RAPGEF6: variants seen among roughly 807,000 people sequenced by gnomAD.
The protein encoded by RAPGEF6 is PDZ domain containing guanine nucleotide exchange factor (GEF) 2.
A neutral mutation model predicts 171.4 loss-of-function variants in RAPGEF6; 56 were observed. That is an observed-to-expected ratio of 0.33 (90% CI 0.26 to 0.41). The LOEUF (loss-of-function observed/expected upper bound fraction) is 0.41. RAPGEF6 is among the 10% of genes least tolerant of loss of function. RAPGEF6 has a pLI of 1.00. For missense variants in RAPGEF6, 1,674 were observed against 1,921.4 expected, an observed-to-expected ratio of 0.87 and a Z score of 2.41; for synonymous variants, 692 against 650.1, an observed-to-expected ratio of 1.06 and a Z score of -0.98.
chr5:131,543,185 CA>C (rs1322883047), intron 6 of RAPGEF6, among the ~76,000 whole-genome samples: 1 of 152,080 alleles, frequency 6.6e-6, no homozygotes, highest in Non-Finnish European at 1.5e-5. Context: ...GCTTCACTTA[CA>C]ACTCACAGAA....
At chr5:131,491,918 T>C (rs1268791269) in intron 14 of RAPGEF6, among the ~76,000 whole-genome samples, 3 of 152,178 alleles carry the variant, frequency 2.0e-5, no homozygotes, top group Admixed American at 1.3e-4. Context: ...ACATCATTGC[T>C]TAAGAATGTG....
chr5:131,574,573 T>C (rs1762494887), intron 4 of RAPGEF6, among the ~76,000 whole-genome samples: 1 of 152,104 alleles, frequency 6.6e-6, no homozygotes, highest in South Asian at 2.1e-4. Flanking sequence ...TTGGACAACA[T>C]TCTTTTATGC....
intron 16 of RAPGEF6, among the ~76,000 whole-genome samples, chr5:131,477,002 A>AT (rs1755146256): frequency 6.6e-6 from 1 of 152,196 alleles, no homozygotes; most frequent in African/African-American, 2.4e-5. Flanking sequence ...TCCTGGATCA[A>AT]TATCAATATA....
At position 131,469,726 on chromosome 5, in the gene RAPGEF6, T is replaced by C. The variant is rs73786680; in HGVS notation, c.2239+2861A>G. On this transcript the variant is annotated intron_variant, in intron 17 of 27. Coordinates refer to ENST00000509018, the MANE Select transcript of RAPGEF6 (RefSeq NM_016340.6). ...TACTACTTCATTCAATTCTGTATCA[T>C]TGGACTTTTAAAAAATAACAAAATA... 1.5e-3 allele frequency: 1,730 copies of C among 1,145,342 alleles called. 17 individuals carry two copies. The African/African-American group carries it at 0.023, about 15-fold the overall frequency. 70.9% of individuals were successfully genotyped at this position (1,145,342 alleles called of 1,614,324 possible).
At chr5:131,590,909 A>G (rs1196570589) in intron 4 of RAPGEF6, among the ~76,000 whole-genome samples, 1 of 152,226 alleles carries the variant, frequency 6.6e-6, no homozygotes, top group Non-Finnish European at 1.5e-5. Context: ...CAGCATATTC[A>G]GTTCTCAGGG....
intron 5 of RAPGEF6, among the ~76,000 whole-genome samples, chr5:131,548,393 G>A (rs569151339): frequency 3.4e-4 from 52 of 152,262 alleles, no homozygotes; most frequent in African/African-American, 1.2e-3. Context: ...CACAGTTTCC[G>A]TCCAGGAAAC....
chr5:131,479,650 C>T lies in RAPGEF6; in HGVS notation c.1944G>A (p.Val648=). 2.5e-6 allele frequency: 4 copies of T among 1,613,988 alleles called. No individual in the cohort carries two copies. Among genetic ancestry groups the T allele is most frequent in the Non-Finnish European group, 2.5e-6 (3 of 1,179,984 alleles). ...KKSNRHSIQH[V]PGDIEQTSQE... ...GTGATGTCTGTTCAATATCTCCTGG[C>T]ACATGCTGGATAGAATGGCGATTAC... The change falls in exon 16 of 28, where the codon GTG becomes GTA. Residue 648 remains valine (V), a synonymous_variant. Transcript: ENST00000509018.
At chr5:131,631,867 G>A (rs952749402) in intron 1 of RAPGEF6, among the ~76,000 whole-genome samples, 26 of 152,116 alleles carry the variant, frequency 1.7e-4, no homozygotes, top group African/African-American at 5.6e-4. Context: ...ACGAGGACAA[G>A]AGATTGAGGC....
At position 131,492,804 on chromosome 5, in the gene RAPGEF6, T is replaced by A. The variant is rs775380159; in HGVS notation, c.1528-19A>T. On this transcript the variant is annotated intron_variant, in intron 13 of 27. Coordinates refer to ENST00000509018, the MANE Select transcript of RAPGEF6 (RefSeq NM_016340.6). ...TCATCTTCTGTTAAGCAGAAAAGGA[T>A]AAATGTATATAAATGTATCTATTCC... 6.4e-7 allele frequency: 1 copy of A among 1,570,214 alleles called. No homozygotes were observed. The highest frequency in any genetic ancestry group is 2.2e-5 in the East Asian group (1 of 44,618).
Position 131,489,659 on chromosome 5 carries a change from A to C in RAPGEF6, c.1732-5T>G. 3 of 1,459,086 alleles carry C rather than the reference A, an allele frequency of 2.1e-6. No homozygotes were observed. The East Asian group carries it at 7.1e-5, about 34-fold the overall frequency. 90.4% of individuals were successfully genotyped at this position (1,459,086 alleles called of 1,614,324 possible). ...TTGTCCATTTACTTCCATAATCTTA[A>C]AAGTATTTAAAAAATACAAATTAAT... On this transcript the variant is annotated splice_region_variant and splice_polypyrimidine_tract_variant and intron_variant, in intron 14 of 27. Transcript: ENST00000509018.
chr5:131,541,126 G>A (rs142021641), intron 6 of RAPGEF6, among the ~76,000 whole-genome samples: 92 of 152,258 alleles, frequency 6.0e-4, no homozygotes, highest in African/African-American at 2.1e-3. Context: ...TCAGAACACT[G>A]CAGAATAATA....
chr5:131,547,977 T>A, intron 6 of RAPGEF6, 70 bp downstream of exon 6: 1 of 1,514,296 alleles, frequency 6.6e-7, no homozygotes, highest in Non-Finnish European at 9.0e-7. Context: ...TTACCAAAGA[T>A]ACATGTAAAT....
intron 8 of RAPGEF6, among the ~76,000 whole-genome samples, chr5:131,509,308 C>T (rs1334053405): frequency 6.6e-6 from 1 of 152,016 alleles, no homozygotes; most frequent in Middle Eastern, 3.2e-3. Flanking sequence ...CTTAGGGAGG[C>T]CGAGGTGGGC....
chr5:131,521,606 T>C, intron 6 of RAPGEF6, 85 bp from the exon 7 acceptor site: 1 of 1,256,462 alleles, frequency 8.0e-7, no homozygotes. Flanking sequence ...AATTTTTATG[T>C]ACATTACTGT....
At chr5:131,630,885 C>T (rs747585529) in intron 1 of RAPGEF6, among the ~76,000 whole-genome samples, 2 of 152,198 alleles carry the variant, frequency 1.3e-5, no homozygotes, top group African/African-American at 4.8e-5. Flanking sequence ...TTTTTCACAA[C>T]GCTTTGCACC....
intron 3 of RAPGEF6, among the ~76,000 whole-genome samples, chr5:131,598,730 A>C (rs1318501420): frequency 3.9e-5 from 6 of 152,242 alleles, no homozygotes; most frequent in African/African-American, 1.4e-4. Context: ...GAATTAAAGA[A>C]GACTAAATAA....
In RAPGEF6 at chr5:131,472,648, T is replaced by A. The variant is rs773139975; in HGVS notation, c.2178A>T (p.Ser726=). Residue 726 remains serine (S), a synonymous_variant, in exon 17 of 28, where the codon TCA becomes TCT. Coordinates refer to ENST00000509018, the MANE Select transcript of RAPGEF6 (RefSeq NM_016340.6). The part of the protein sequence containing the change: ...LAIMPIPGTL[S]SSSPDLLQPT... ...GCTGCAGGAGATCAGGGCTGCTGGATGAGAGTGTTCCAGGGATGGGCATTA... is the reference window on the plus strand; with the variant it reads ...GCTGCAGGAGATCAGGGCTGCTGGAAGAGAGTGTTCCAGGGATGGGCATTA... 1.2e-6 allele frequency: 2 copies of A among 1,612,110 alleles called. No homozygotes were observed. The highest frequency in any genetic ancestry group is 3.3e-5 in the Admixed American group (2 of 60,018).
intron 7 of RAPGEF6, among the ~76,000 whole-genome samples, chr5:131,519,753 C>G (rs1326816982): frequency 6.6e-6 from 1 of 152,184 alleles, no homozygotes; most frequent in Non-Finnish European, 1.5e-5. Context: ...ACAGCCACAT[C>G]CCTGAATTTC....
chr5:131,480,822 C>T (rs565417073), intron 15 of RAPGEF6, among the ~76,000 whole-genome samples: 29 of 151,604 alleles, frequency 1.9e-4, no homozygotes, highest in African/African-American at 6.8e-4. Context: ...CGATTCCTCA[C>T]GGTCACATTT....
Sources: allele counts gnomAD v4.1 joint callset (sites outside exome capture counted in the v4.1 genomes callset), GRCh38; gene constraint gnomAD v4.1.1; transcripts MANE v1.5; gene names NCBI Gene and HGNC (gene_info 2026-07-23, HGNC 2026-07-21).